The following LHFPL3 variants were observed in gnomAD, a reference collection of about 807,000 sequenced individuals.
LHFPL3 encodes the protein LHFPL tetraspan subfamily member 3, also known as LHFPL tetraspan subfamily member 3 protein.
LHFPL3 carries 5 observed loss-of-function variants against 19.3 expected under a neutral mutation model. That is an observed-to-expected ratio of 0.26 (90% confidence interval 0.14 to 0.54). The LOEUF (loss-of-function observed/expected upper bound fraction) is 0.54. Ranked by LOEUF, LHFPL3 falls within the 20% of genes least tolerant of loss-of-function variation. LHFPL3 has a pLI of 0.94. For synonymous variants in LHFPL3, 133 were observed against 126.2 expected (o/e 1.05, Z -0.36); for missense variants, 249 against 307.4 (o/e 0.81, Z 1.42).
intron 2 of LHFPL3, among the ~76,000 whole-genome samples, chr7:104,892,708 CAAAAAAAAA>C (rs35855839): frequency 1.5e-5 from 1 of 68,476 alleles, no homozygotes; most frequent in Non-Finnish European, 2.8e-5. Flanking sequence ...GAGACTGTCT[CAAAAAAAAA>C]AAAAAAAAAA....
chr7:104,508,672 A>T (rs947903006), intron 1 of LHFPL3, among the ~76,000 whole-genome samples: 3 of 151,688 alleles, frequency 2.0e-5, no homozygotes, highest in Non-Finnish European at 4.4e-5. Context: ...AAAAGGAGAC[A>T]TCTCAAATCA....
chr7:104,884,924 G>C (rs75925252), intron 2 of LHFPL3, among the ~76,000 whole-genome samples: 7,465 of 152,154 alleles, frequency 0.049, 594 homozygotes, highest in African/African-American at 0.17. Context: ...TGGAGTGGGA[G>C]GTGCAAGAGG....
chr7:104,369,422 A>C (rs1426120147), intron 1 of LHFPL3, among the ~76,000 whole-genome samples: 1 of 152,216 alleles, frequency 6.6e-6, no homozygotes, highest in Non-Finnish European at 1.5e-5. Flanking sequence ...TTCATTACTG[A>C]ATAGAATTTT....
chr7:104,453,851 G>A (rs75446105), intron 1 of LHFPL3, among the ~76,000 whole-genome samples: 1 of 152,190 alleles, frequency 6.6e-6, no homozygotes, highest in South Asian at 2.1e-4. Flanking sequence ...CTTCAGCCAC[G>A]TGATGTTCCT....
At chr7:104,824,305 A>C (rs867498971) in intron 2 of LHFPL3, among the ~76,000 whole-genome samples, 712 of 31,896 alleles carry the variant, frequency 0.022, 25 homozygotes, top group African/African-American at 0.075. Context: ...TATATATTAT[A>C]TATAATTATA....
intron 1 of LHFPL3, among the ~76,000 whole-genome samples, chr7:104,611,581 T>C (rs1470072303): frequency 2.6e-5 from 4 of 152,122 alleles, no homozygotes; most frequent in Non-Finnish European, 4.4e-5. Flanking sequence ...GCAGTAAGGA[T>C]AGTTGATGCA....
At chr7:104,440,235 A>G (rs913245209) in intron 1 of LHFPL3, among the ~76,000 whole-genome samples, 10 of 152,038 alleles carry the variant, frequency 6.6e-5, no homozygotes, top group African/African-American at 7.2e-5. Flanking sequence ...CTGCAGCCAT[A>G]AAAAAGGATG....
intron 1 of LHFPL3, among the ~76,000 whole-genome samples, chr7:104,692,182 A>G (rs1792917198): frequency 2.0e-5 from 3 of 152,248 alleles, no homozygotes; most frequent in Admixed American, 2.0e-4. Flanking sequence ...TGTATTCACA[A>G]AGATATGGTT....
intron 1 of LHFPL3, among the ~76,000 whole-genome samples, chr7:104,727,726 T>C (rs1793617192): frequency 6.6e-6 from 1 of 151,794 alleles, no homozygotes. Context: ...TCATGGCAAA[T>C]ACTCCAAAGA....
At chr7:104,451,602 A>T (rs777053635) in intron 1 of LHFPL3, among the ~76,000 whole-genome samples, 13 of 111,492 alleles carry the variant, frequency 1.2e-4, no homozygotes, top group Non-Finnish European at 1.7e-4. Flanking sequence ...ACATTTTGGT[A>T]AAAACATCCT....
At chr7:104,602,886 G>T (rs542299406) in intron 1 of LHFPL3, among the ~76,000 whole-genome samples, 2 of 152,148 alleles carry the variant, frequency 1.3e-5, no homozygotes, top group Admixed American at 1.3e-4. Context: ...AGAGAGAAAA[G>T]GGGCTGAACT....
intron 1 of LHFPL3, among the ~76,000 whole-genome samples, chr7:104,561,035 T>C (rs990373612): frequency 2.0e-5 from 3 of 151,892 alleles, no homozygotes; most frequent in Non-Finnish European, 4.4e-5. Flanking sequence ...GATTGCACTG[T>C]GGTCTGAGAG....
chr7:104,420,188 C>T (rs1450149979), intron 1 of LHFPL3, among the ~76,000 whole-genome samples: 1 of 152,180 alleles, frequency 6.6e-6, no homozygotes, highest in Admixed American at 6.5e-5. Context: ...GGAGGTACAT[C>T]CAGGCCTTCT....
rs182840003 is a variant in LHFPL3, at chr7:104,709,806, G to A, written c.446-26869G>A. Among the ~76,000 whole-genome samples, 435 of 146,200 alleles carry A rather than the reference G, an allele frequency of 3.0e-3. 2 individuals carry two copies. The highest frequency in any genetic ancestry group is 0.01 in the African/African-American group (412 of 39,714). ...GGCTCCTCACTTCCTAGACGGGATG[G>A]CGGCTGCGAAGAGGCGTTCCTCACT... On this transcript the variant is annotated intron_variant, in intron 1 of 2. Transcript: ENST00000424859.
At chr7:104,744,839 C>G (rs1794010190) in intron 2 of LHFPL3, among the ~76,000 whole-genome samples, 1 of 152,164 alleles carries the variant, frequency 6.6e-6, no homozygotes, top group African/African-American at 2.4e-5. Context: ...CTGATGTGGT[C>G]TCCTTTGCCA....
chr7:104,861,422 G>C (rs1303662692), intron 2 of LHFPL3, among the ~76,000 whole-genome samples: 3 of 152,298 alleles, frequency 2.0e-5, no homozygotes, highest in East Asian at 3.9e-4. Context: ...ATACCAGCAG[G>C]AGACAGATGG....
chr7:104,620,581 T>G (rs911238572), intron 1 of LHFPL3, among the ~76,000 whole-genome samples: 2 of 152,212 alleles, frequency 1.3e-5, no homozygotes, highest in Non-Finnish European at 2.9e-5. Flanking sequence ...TTTCGTTGCC[T>G]TATCTAGCCT....
At chr7:104,761,720 T>C (rs1034448746) in intron 2 of LHFPL3, among the ~76,000 whole-genome samples, 1 of 152,246 alleles carries the variant, frequency 6.6e-6, no homozygotes, top group Non-Finnish European at 1.5e-5. Context: ...AGTGAATTTC[T>C]TCAAATACAT....
At chr7:104,585,230 C>G (rs982344935) in intron 1 of LHFPL3, among the ~76,000 whole-genome samples, 1 of 152,170 alleles carries the variant, frequency 6.6e-6, no homozygotes, top group South Asian at 2.1e-4. Context: ...ACCACAAGGA[C>G]CATTTTGCCT....
Sources: allele counts gnomAD v4.1 joint callset (sites outside exome capture counted in the v4.1 genomes callset), GRCh38; gene constraint gnomAD v4.1.1; transcripts MANE v1.5; gene names NCBI Gene and HGNC (gene_info 2026-07-23, HGNC 2026-07-21).